SYNPR: variants seen among roughly 807,000 people sequenced by gnomAD.
SYNPR encodes synaptoporin.
Under a neutral mutation model 32.9 loss-of-function variants are expected in SYNPR, and 23 were observed. That is an observed-to-expected ratio of 0.70 (90% CI 0.50 to 0.99). The LOEUF is 0.99. Ranked by LOEUF, SYNPR falls within the 50% of genes least tolerant of loss-of-function variation. SYNPR has a pLI of 0.00. For synonymous variants in SYNPR, 146 were observed against 135.9 expected (o/e 1.07, Z -0.52); for missense variants, 318 against 349.3 (o/e 0.91, Z 0.71).
At chr3:63,463,220 T>C (rs892757474) in intron 2 of SYNPR, among the ~76,000 whole-genome samples, 1 of 152,090 alleles carries the variant, frequency 6.6e-6, no homozygotes, top group Admixed American at 6.6e-5. Flanking sequence ...ACCGTTGCAA[T>C]GAAGTGATTT....
intron 3 of SYNPR, among the ~76,000 whole-genome samples, chr3:63,533,214 C>G (rs563573869): frequency 6.6e-6 from 1 of 152,044 alleles, no homozygotes; most frequent in Non-Finnish European, 1.5e-5. Flanking sequence ...TATTGAAGAA[C>G]TGAAGGATGG....
chr3:63,211,394 T>G, the SYNPR span, among the ~76,000 whole-genome samples: 2 of 152,258 alleles, frequency 1.3e-5, no homozygotes, highest in Non-Finnish European at 2.9e-5. Context: ...CAAATTTTTC[T>G]TCATGCTTTA....
intron 1 of SYNPR, among the ~76,000 whole-genome samples, chr3:63,245,565 G>C (rs1298007866): frequency 6.6e-6 from 1 of 151,892 alleles, no homozygotes; most frequent in African/African-American, 2.4e-5. Flanking sequence ...GAACTTTAGT[G>C]CTATCAGTGG....
intron 3 of SYNPR, among the ~76,000 whole-genome samples, chr3:63,270,742 G>C (rs142793784): frequency 1.3e-5 from 2 of 152,254 alleles, no homozygotes; most frequent in Admixed American, 1.3e-4. Context: ...ACTTCATAGT[G>C]TTATAAGGAG....
At chr3:63,516,242 G>A (rs1701797097) in intron 3 of SYNPR, among the ~76,000 whole-genome samples, 1 of 151,896 alleles carries the variant, frequency 6.6e-6, no homozygotes, top group Admixed American at 6.6e-5. Flanking sequence ...TTCCATCTTG[G>A]GGAGTCTCTT....
intron 1 of SYNPR, among the ~76,000 whole-genome samples, chr3:63,232,588 A>T (rs2086174726): frequency 6.6e-6 from 1 of 152,088 alleles, no homozygotes; most frequent in Non-Finnish European, 1.5e-5. Flanking sequence ...AAATTATCTA[A>T]TGTTTTTAGG....
intron 1 of SYNPR, among the ~76,000 whole-genome samples, chr3:63,237,494 T>C (rs914099098): frequency 6.6e-6 from 1 of 152,198 alleles, no homozygotes; most frequent in Non-Finnish European, 1.5e-5. Context: ...TGATGACTGC[T>C]TTAAAATCCT....
chr3:63,533,106 T>C (rs576386647), intron 3 of SYNPR, among the ~76,000 whole-genome samples: 1 of 152,318 alleles, frequency 6.6e-6, no homozygotes, highest in African/African-American at 2.4e-5. Context: ...TTATCTCCCT[T>C]ACTAGACTGC....
chr3:63,340,419 A>ACTTTTTTTTTTTTTTT (rs1553870463), intron 2 of SYNPR, among the ~76,000 whole-genome samples: 1 of 128,508 alleles, frequency 7.8e-6, no homozygotes. Flanking sequence ...AAAAAAATGT[A>ACTTTTTTTTTTTTTTT]TTTTTTTTTT....
intron 2 of SYNPR, among the ~76,000 whole-genome samples, chr3:63,351,774 C>T (rs1024506944): frequency 8.5e-5 from 13 of 152,088 alleles, no homozygotes; most frequent in African/African-American, 2.9e-4. Context: ...TTCCAGGCAA[C>T]GGGGATGGAG....
intron 2 of SYNPR, among the ~76,000 whole-genome samples, chr3:63,337,232 CAAAAAAAAAAAAAA>C (rs67376099): frequency 1.8e-5 from 1 of 55,470 alleles, no homozygotes; most frequent in African/African-American, 8.0e-5. Context: ...ACTCTGTCTC[CAAAAAAAAAAAAAA>C]AAAAAAAAAA....
chr3:63,485,628 A>G (rs925294450), intron 3 of SYNPR, among the ~76,000 whole-genome samples: 5 of 152,130 alleles, frequency 3.3e-5, no homozygotes, highest in Non-Finnish European at 7.4e-5. Context: ...TGCTTATCTT[A>G]AGTCTTCAAA....
At chr3:63,325,889 C>T (rs2087161255) in intron 2 of SYNPR, among the ~76,000 whole-genome samples, 1 of 151,968 alleles carries the variant, frequency 6.6e-6, no homozygotes, top group Non-Finnish European at 1.5e-5. Flanking sequence ...TACCTCATCT[C>T]CACAACACTC....
upstream of SYNPR, among the ~76,000 whole-genome samples, chr3:63,226,234 T>A (rs780400104): frequency 6.6e-5 from 10 of 152,108 alleles, no homozygotes; most frequent in Non-Finnish European, 1.2e-4. Flanking sequence ...AAAAGGGAAC[T>A]CTTATACATT....
chr3:63,579,788 A>AACACACAC (rs59802344), intron 4 of SYNPR, among the ~76,000 whole-genome samples: 1 of 146,096 alleles, frequency 6.8e-6, no homozygotes, highest in African/African-American at 2.5e-5. Context: ...ATTTAACTAA[A>AACACACAC]ACACACACAC....
intron 2 of SYNPR, among the ~76,000 whole-genome samples, 184 bp downstream of exon 2, chr3:63,278,926 C>A (rs1379804429): frequency 6.6e-6 from 1 of 152,204 alleles, no homozygotes; most frequent in Non-Finnish European, 1.5e-5. Flanking sequence ...AATCGAGGCA[C>A]CCTGCTTGGA....
chr3:63,294,637 T>G (rs1367188135), intron 2 of SYNPR, among the ~76,000 whole-genome samples: 1 of 152,184 alleles, frequency 6.6e-6, no homozygotes, highest in East Asian at 1.9e-4. Flanking sequence ...AGGCAAGTAC[T>G]GAGGCTTTCT....
chr3:63,270,916 TCCTTCC>T (rs2086529397), intron 3 of SYNPR, among the ~76,000 whole-genome samples: 4 of 85,764 alleles, frequency 4.7e-5, no homozygotes, highest in African/African-American at 1.7e-4. Flanking sequence ...CTTCCTTCCT[TCCTTCC>T]TTCTTTCTTT....
intron 3 of SYNPR, among the ~76,000 whole-genome samples, chr3:63,537,377 ATC>A (rs869274944): frequency 7.0e-6 from 1 of 143,778 alleles, no homozygotes; most frequent in Non-Finnish European, 1.5e-5. Flanking sequence ...CTACTAGAAA[ATC>A]TCTCTGAATC....
Sources: gnomAD v4.1 joint callset for allele counts (sites outside exome capture counted in the v4.1 genomes callset) on GRCh38, gnomAD v4.1.1 for gene constraint, MANE v1.5 for transcripts, NCBI Gene and HGNC (gene_info 2026-07-23, HGNC 2026-07-21) for gene names.